TENM1: variants seen among roughly 807,000 people sequenced by gnomAD.
The protein encoded by TENM1 is teneurin-1.
In TENM1, 35 loss-of-function variants were observed where a neutral mutation model predicts 174.8. The ratio of observed to expected loss-of-function variants is 0.20; its 90% confidence interval spans 0.15 to 0.27. The LOEUF is 0.27. Ranked by LOEUF, TENM1 falls within the 10% of genes least tolerant of loss-of-function variation. The pLI is 1.00. For missense variants in TENM1, 1,633 were observed against 2,130.1 expected, an observed-to-expected ratio of 0.77 and a Z score of 4.59; for synonymous variants, 781 against 798.7, an observed-to-expected ratio of 0.98 and a Z score of 0.37.
chrX:124,934,118 G>C (rs774258181), intron 1 of TENM1, among the ~76,000 whole-genome samples: 45 of 111,637 alleles, frequency 4.0e-4, no homozygotes, highest in Non-Finnish European at 6.6e-4. Context: ...TTCTATACTT[G>C]GTTAATTTTG....
the TENM1 span, among the ~76,000 whole-genome samples, chrX:125,168,033 GTGTC>G: frequency 1.8e-5 from 2 of 111,873 alleles, no homozygotes; most frequent in East Asian, 2.8e-4. Flanking sequence ...ATGTGTGTGT[GTGTC>G]TGTCTGTGTG....
chrX:124,645,261 C>T, exon 10 of TENM1: 3 of 1,211,629 alleles, frequency 2.5e-6, no homozygotes, highest in Non-Finnish European at 3.4e-6. Context: ...CACACTCTGG[C>T]CCCTTCCAGC....
chrX:124,516,996 C>A (rs760574761), intron 18 of TENM1, among the ~76,000 whole-genome samples: 1 of 111,401 alleles, frequency 9.0e-6, no homozygotes, highest in East Asian at 2.8e-4. Flanking sequence ...GTGTCTTTTG[C>A]GGGAACATGG....
At chrX:124,950,167 G>A (rs947965704) in intron 1 of TENM1, among the ~76,000 whole-genome samples, 6 of 111,376 alleles carry the variant, frequency 5.4e-5, no homozygotes, top group African/African-American at 2.0e-4. Context: ...CTTATTCTGT[G>A]ATGATACTGT....
the TENM1 span, among the ~76,000 whole-genome samples, chrX:125,065,203 C>A: frequency 8.9e-6 from 1 of 112,144 alleles, no homozygotes; most frequent in Non-Finnish European, 1.9e-5. Flanking sequence ...GTCATGGCAA[C>A]ATTTTTTGGG....
At chrX:124,947,100 C>A (rs58337180) in intron 1 of TENM1, among the ~76,000 whole-genome samples, 6,848 of 111,081 alleles carry the variant, frequency 0.062, 486 homozygotes, top group African/African-American at 0.21. Flanking sequence ...TTGATCTTCA[C>A]CCTAGACAGC....
At chrX:124,974,568 C>T in the TENM1 span, among the ~76,000 whole-genome samples, 1 of 110,341 alleles carries the variant, frequency 9.1e-6, no homozygotes, top group Non-Finnish European at 1.9e-5. Context: ...AATTAAATAG[C>T]GATGATCTCA....
chrX:124,704,152 G>A (rs987444360), intron 5 of TENM1, among the ~76,000 whole-genome samples: 1 of 111,654 alleles, frequency 9.0e-6, no homozygotes, highest in Admixed American at 9.5e-5. Context: ...TCTCTTAGTG[G>A]GTAAATCTGC....
At chrX:124,411,190 T>C (rs1054094981) in intron 25 of TENM1, among the ~76,000 whole-genome samples, 3 of 111,855 alleles carry the variant, frequency 2.7e-5, no homozygotes, top group Admixed American at 9.5e-5. Context: ...GGCATATTCC[T>C]ACATATTTTG....
chrX:125,164,217 T>G, the TENM1 span, among the ~76,000 whole-genome samples: 1 of 111,719 alleles, frequency 9.0e-6, no homozygotes. Context: ...TTTGTTTAAG[T>G]GATTGATAAA....
chrX:124,560,191 TTGTGTGTGTGTG>T (rs375476919), intron 14 of TENM1, among the ~76,000 whole-genome samples: 9 of 88,208 alleles, frequency 1.0e-4, no homozygotes, highest in South Asian at 6.7e-4. Context: ...TCTCTTCTAT[TTGTGTGTGTGTG>T]TGTGTGTGTG....
chrX:124,509,704 C>T (rs2047534169), intron 18 of TENM1, among the ~76,000 whole-genome samples: 1 of 100,241 alleles, frequency 1.0e-5, no homozygotes, highest in Non-Finnish European at 2.0e-5. Flanking sequence ...GGATTACCTA[C>T]TTTCTGGAAT....
chrX:124,538,725 A>G (rs1407937788), intron 15 of TENM1, among the ~76,000 whole-genome samples: 1 of 111,887 alleles, frequency 8.9e-6, no homozygotes, highest in East Asian at 2.8e-4. Context: ...GTGAAATTAC[A>G]AATGTTTATG....
chrX:125,196,112 T>A, the TENM1 span, among the ~76,000 whole-genome samples: 2 of 111,024 alleles, frequency 1.8e-5, no homozygotes, highest in Non-Finnish European at 3.8e-5. Flanking sequence ...GTCTAAGCAA[T>A]AAGTATTAAT....
intron 1 of TENM1, 76 bp downstream of exon 4, chrX:124,963,461 T>G (rs1449070684): frequency 8.4e-6 from 8 of 946,798 alleles, no homozygotes; most frequent in Non-Finnish European, 1.2e-5. Flanking sequence ...AAATTTATTT[T>G]TGAAACAAAG....
chrX:124,681,958 T>C (rs779192276), intron 5 of TENM1, among the ~76,000 whole-genome samples: 22 of 111,898 alleles, frequency 2.0e-4, no homozygotes, highest in Non-Finnish European at 3.6e-4. Context: ...TTCTCTACTT[T>C]CCTGCCCTAG....
rs757868197 is a variant in TENM1 at position 124,481,391 on chromosome X, A to G, written c.3949+341T>C. Among the ~76,000 whole-genome samples, 7 of 110,699 alleles carry G rather than the reference A, an allele frequency of 6.3e-5. No homozygotes were observed. The South Asian group carries it at 2.7e-3, about 43-fold the overall frequency. ...GTCAGGTTAACCCTTTAGTTGCTGG[A>G]CTGTGGGGAGTTTCCAGGAGGTAAT... On this transcript the variant is annotated intron_variant, in intron 22 of 31. Coordinates refer to ENST00000422452, the Ensembl canonical transcript of TENM1.
At chrX:125,101,324 C>A in the TENM1 span, among the ~76,000 whole-genome samples, 1 of 111,517 alleles carries the variant, frequency 9.0e-6, no homozygotes, top group Non-Finnish European at 1.9e-5. Context: ...ATTCATATCT[C>A]ATGGAATACT....
At chrX:124,879,986 C>G (rs1044186816) in intron 3 of TENM1, among the ~76,000 whole-genome samples, 1 of 111,994 alleles carries the variant, frequency 8.9e-6, no homozygotes, top group African/African-American at 3.2e-5. Flanking sequence ...AAGTGTGATG[C>G]TTCCAGCTTT....
Sources: allele counts gnomAD v4.1 joint callset (sites outside exome capture counted in the v4.1 genomes callset), GRCh38; gene constraint gnomAD v4.1.1; transcripts MANE v1.5; gene names NCBI Gene and HGNC (gene_info 2026-07-23, HGNC 2026-07-21).